NRXN1: variants seen among roughly 807,000 people sequenced by gnomAD.
NRXN1 encodes the protein neurexin 1, also known as neurexin-1.
In NRXN1, 39 loss-of-function variants were observed where a neutral mutation model predicts 150.9. The observed-to-expected ratio is 0.26, with a 90% CI of 0.20 to 0.34. NRXN1 has a LOEUF of 0.34. Among genes scored for constraint, NRXN1 ranks in the 10% least tolerant of loss-of-function variants. The pLI is 1.00. For synonymous variants in NRXN1, 924 were observed against 757.0 expected (o/e 1.22, Z -3.62); for missense variants, 1,815 against 1,949.9 (o/e 0.93, Z 1.30).
chr2:50,358,580 G>C (rs972651007), intron 17 of NRXN1, among the ~76,000 whole-genome samples: 1 of 152,190 alleles, frequency 6.6e-6, no homozygotes, highest in African/African-American at 2.4e-5. Context: ...AGCAGCCCCA[G>C]TCAGGAACTT....
At chr2:50,159,443 A>G (rs537016262) in intron 18 of NRXN1, among the ~76,000 whole-genome samples, 4 of 152,276 alleles carry the variant, frequency 2.6e-5, no homozygotes, top group African/African-American at 9.6e-5. Flanking sequence ...CCACAAAACT[A>G]AATCTCCTCT....
intron 15 of NRXN1, among the ~76,000 whole-genome samples, chr2:50,477,562 G>C (rs909414520): frequency 1.2e-4 from 19 of 152,170 alleles, no homozygotes; most frequent in Non-Finnish European, 2.9e-5. Flanking sequence ...ACCAAGCTCT[G>C]CCTTACAGTA....
At chr2:50,228,603 G>A (rs955320151) in intron 18 of NRXN1, among the ~76,000 whole-genome samples, 4 of 151,912 alleles carry the variant, frequency 2.6e-5, no homozygotes, top group African/African-American at 4.8e-5. Context: ...GTGAGCAGCC[G>A]GCACTTATTT....
At chr2:50,814,633 T>A (rs887430787) in intron 5 of NRXN1, among the ~76,000 whole-genome samples, 1 of 152,130 alleles carries the variant, frequency 6.6e-6, no homozygotes, top group South Asian at 2.1e-4. Context: ...ACTAATTGGA[T>A]AAAATTTTGC....
chr2:50,631,050 T>C (rs1008468949), intron 5 of NRXN1: 3 of 442,752 alleles, frequency 6.8e-6, no homozygotes, highest in African/African-American at 4.2e-5. Flanking sequence ...ACGAACTGTG[T>C]AACTGAGAAA....
chr2:50,317,758 AG>A (rs1426279053), intron 17 of NRXN1, among the ~76,000 whole-genome samples: 1 of 152,032 alleles, frequency 6.6e-6, no homozygotes, highest in African/African-American at 2.4e-5. Context: ...TTTAATTTAT[AG>A]AGTTCATACA....
intron 8 of NRXN1, among the ~76,000 whole-genome samples, chr2:50,590,848 A>G (rs1376444758): frequency 6.6e-6 from 1 of 152,094 alleles, no homozygotes; most frequent in Non-Finnish European, 1.5e-5. Context: ...TGCCCAGTCT[A>G]TGGTATTTTT....
chr2:50,634,148 T>C (rs1237963644), intron 5 of NRXN1, among the ~76,000 whole-genome samples: 1 of 152,204 alleles, frequency 6.6e-6, no homozygotes, highest in Non-Finnish European at 1.5e-5. Flanking sequence ...TTTTATTCGA[T>C]GCACAATGGG....
intron 18 of NRXN1, among the ~76,000 whole-genome samples, chr2:50,113,932 A>T (rs1304755400): frequency 6.6e-6 from 1 of 152,168 alleles, no homozygotes; most frequent in Non-Finnish European, 1.5e-5. Flanking sequence ...ACTATGTGGG[A>T]TGCTATAGAA....
intron 5 of NRXN1, among the ~76,000 whole-genome samples, chr2:50,668,304 A>C (rs1164137958): frequency 6.6e-6 from 1 of 151,946 alleles, no homozygotes; most frequent in Non-Finnish European, 1.5e-5. Context: ...TCTTTTTTTC[A>C]AGCTTAAGGG....
intron 5 of NRXN1, among the ~76,000 whole-genome samples, chr2:50,777,378 A>G (rs1703791501): frequency 6.6e-6 from 1 of 152,156 alleles, no homozygotes; most frequent in Non-Finnish European, 1.5e-5. Flanking sequence ...TTAGTTTACT[A>G]TGAATGTACC....
At chr2:50,209,328 T>C (rs2062842388) in intron 18 of NRXN1, among the ~76,000 whole-genome samples, 1 of 152,116 alleles carries the variant, frequency 6.6e-6, no homozygotes, top group South Asian at 2.1e-4. Flanking sequence ...TTCAAGGCAT[T>C]AACATAAAAT....
chr2:50,230,920 G>A (rs374622967), intron 18 of NRXN1, among the ~76,000 whole-genome samples: 1 of 151,974 alleles, frequency 6.6e-6, no homozygotes, highest in African/African-American at 2.4e-5. Flanking sequence ...TTACACCTCA[G>A]AAGTTTGGAC....
intron 21 of NRXN1, among the ~76,000 whole-genome samples, chr2:49,989,179 CA>C (rs1416948962): frequency 1.3e-5 from 2 of 152,120 alleles, no homozygotes; most frequent in Non-Finnish European, 2.9e-5. Context: ...CTATAAAAAG[CA>C]AATAAAGGAC....
At chr2:50,213,672 T>G (rs2063188069) in intron 18 of NRXN1, among the ~76,000 whole-genome samples, 1 of 151,908 alleles carries the variant, frequency 6.6e-6, no homozygotes, top group African/African-American at 2.4e-5. Context: ...GTCAATTAAT[T>G]ATCATGCCTC....
chr2:50,912,535 T>C (rs1457846327), intron 5 of NRXN1, among the ~76,000 whole-genome samples: 1 of 151,802 alleles, frequency 6.6e-6, no homozygotes, highest in Non-Finnish European at 1.5e-5. Context: ...ATTGATGACA[T>C]GGGACACTAG....
At chr2:50,826,066 A>G (rs1670407724) in intron 5 of NRXN1, among the ~76,000 whole-genome samples, 1 of 152,230 alleles carries the variant, frequency 6.6e-6, no homozygotes, top group African/African-American at 2.4e-5. Flanking sequence ...TAAACTTAAG[A>G]AAAACAATAT....
intron 5 of NRXN1, among the ~76,000 whole-genome samples, chr2:50,742,001 C>A (rs1433320457): frequency 6.6e-6 from 1 of 151,730 alleles, no homozygotes; most frequent in Non-Finnish European, 1.5e-5. Flanking sequence ...GTTTACTTGC[C>A]AACAAATATC....
intron 19 of NRXN1, among the ~76,000 whole-genome samples, chr2:50,088,096 C>A (rs1039286205): frequency 7.9e-5 from 12 of 151,986 alleles, no homozygotes; most frequent in East Asian, 1.9e-4. Flanking sequence ...ATAAAAATAA[C>A]CCCAAAAATT....
Sources: gnomAD v4.1 joint callset for allele counts (sites outside exome capture counted in the v4.1 genomes callset) on GRCh38, gnomAD v4.1.1 for gene constraint, MANE v1.5 for transcripts, NCBI Gene and HGNC (gene_info 2026-07-23, HGNC 2026-07-21) for gene names.